MTMR7: variants seen among roughly 807,000 people sequenced by gnomAD.
MTMR7 encodes phosphatidylinositol-3-phosphate phosphatase MTMR7.
Under a neutral mutation model 81.2 loss-of-function variants are expected in MTMR7, and 76 were observed. That is an observed-to-expected ratio of 0.94 (90% CI 0.78 to 1.13). The LOEUF is 1.13. Among genes scored for constraint, MTMR7 ranks in the 50% most tolerant of loss-of-function variants. The pLI, the probability that MTMR7 is intolerant of heterozygous loss-of-function variation, is 0.00. For missense variants in MTMR7, 1,044 were observed against 820.0 expected, an observed-to-expected ratio of 1.27 and a Z score of -3.34; for synonymous variants, 372 against 289.8, an observed-to-expected ratio of 1.28 and a Z score of -2.88.
chr8:17,396,168 G>A (rs1244000533), intron 1 of MTMR7, among the ~76,000 whole-genome samples: 2 of 150,780 alleles, frequency 1.3e-5, no homozygotes, highest in East Asian at 3.9e-4. Flanking sequence ...GATGGAAAGA[G>A]AGATGACCAA....
intron 4 of MTMR7, among the ~76,000 whole-genome samples, chr8:17,352,437 A>T (rs1194959055): frequency 1.3e-5 from 2 of 152,292 alleles, no homozygotes; most frequent in South Asian, 2.1e-4. Context: ...TGTACTATAT[A>T]AAAAAATTAA....
intron 1 of MTMR7, among the ~76,000 whole-genome samples, chr8:17,398,649 A>C (rs78891267): frequency 0.019 from 2,904 of 152,246 alleles, 100 homozygotes; most frequent in African/African-American, 0.066. Context: ...CAAAGCGATA[A>C]CCACAAAGAA....
At chr8:17,353,939 G>A (rs1436785293) in intron 4 of MTMR7, among the ~76,000 whole-genome samples, 1 of 152,186 alleles carries the variant, frequency 6.6e-6, no homozygotes, top group African/African-American at 2.4e-5. Context: ...AGCTGCAAGA[G>A]CAGAAATGAG....
intron 12 of MTMR7, chr8:17,302,491 GAA>G: frequency 2.1e-6 from 1 of 483,912 alleles, no homozygotes; most frequent in Non-Finnish European, 3.6e-6. Flanking sequence ...ATAAGTTTAT[GAA>G]AAGTCTGCCT....
At chr8:17,332,204 A>G (rs714346) in intron 6 of MTMR7, among the ~76,000 whole-genome samples, 88,675 of 151,912 alleles carry the variant, frequency 0.58, 26,711 homozygotes, top group East Asian at 0.79. Context: ...GAGAACCTAC[A>G]CTGAGAACTC....
chr8:17,369,706 C>T (rs1320160109), intron 3 of MTMR7, among the ~76,000 whole-genome samples: 3 of 135,240 alleles, frequency 2.2e-5, no homozygotes, highest in African/African-American at 8.2e-5. Context: ...AGTGCAGTGG[C>T]AAGATCTCAG....
At chr8:17,329,913 G>A (rs1423220083) in intron 7 of MTMR7, among the ~76,000 whole-genome samples, 1 of 152,186 alleles carries the variant, frequency 6.6e-6, no homozygotes, top group Non-Finnish European at 1.5e-5. Context: ...ACAGAAGATG[G>A]AAATGGCTCT....
chr8:17,317,706 T>C (rs1424640259), intron 7 of MTMR7, among the ~76,000 whole-genome samples: 2 of 152,210 alleles, frequency 1.3e-5, no homozygotes, highest in African/African-American at 2.4e-5. Context: ...GTTTCAGAGA[T>C]ACCTGATGGC....
intron 1 of MTMR7, among the ~76,000 whole-genome samples, chr8:17,412,890 G>C (rs961821616): frequency 1.3e-4 from 20 of 152,142 alleles, no homozygotes; most frequent in African/African-American, 4.8e-4. Context: ...TCACCGAAAG[G>C]CTTATTTCCC....
At chr8:17,325,392 C>T (rs954877752) in intron 7 of MTMR7, among the ~76,000 whole-genome samples, 1 of 152,214 alleles carries the variant, frequency 6.6e-6, no homozygotes, top group South Asian at 2.1e-4. Flanking sequence ...AAGAACAGAT[C>T]GGGTATCATC....
intron 1 of MTMR7, among the ~76,000 whole-genome samples, chr8:17,411,376 C>T (rs184202087): frequency 3.2e-4 from 48 of 152,324 alleles, no homozygotes; most frequent in Middle Eastern, 3.4e-3. Context: ...TCTCTACCCA[C>T]TGCACCTTGC....
intron 6 of MTMR7, among the ~76,000 whole-genome samples, chr8:17,336,459 G>A (rs979738627): frequency 6.6e-6 from 1 of 152,064 alleles, no homozygotes; most frequent in Non-Finnish European, 1.5e-5. Context: ...CCACCAGCAA[G>A]TGTGAGACCC....
intron 1 of MTMR7, among the ~76,000 whole-genome samples, chr8:17,404,279 G>A: frequency 6.6e-6 from 1 of 152,200 alleles, no homozygotes; most frequent in East Asian, 1.9e-4. Context: ...GAGGATTGAA[G>A]GATAACTCCA....
chr8:17,399,677 T>G (rs1228892285), intron 1 of MTMR7, among the ~76,000 whole-genome samples: 2 of 152,142 alleles, frequency 1.3e-5, no homozygotes, highest in African/African-American at 2.4e-5. Flanking sequence ...AAATGTATTC[T>G]GTGCAAAAAG....
intron 3 of MTMR7, among the ~76,000 whole-genome samples, chr8:17,366,716 C>G (rs1258688301): frequency 1.3e-5 from 2 of 151,932 alleles, no homozygotes; most frequent in East Asian, 3.9e-4. Flanking sequence ...GAAACCCTGT[C>G]TCTACTAAAA....
At chr8:17,353,292 G>A (rs1006729198) in intron 4 of MTMR7, among the ~76,000 whole-genome samples, 1 of 152,084 alleles carries the variant, frequency 6.6e-6, no homozygotes, top group East Asian at 1.9e-4. Context: ...GTGGTAGGTG[G>A]GAATGGGGAG....
At chr8:17,332,840 G>A (rs947095177) in intron 6 of MTMR7, among the ~76,000 whole-genome samples, 2 of 152,082 alleles carry the variant, frequency 1.3e-5, no homozygotes, top group Admixed American at 1.3e-4. Flanking sequence ...TTAAGTTTTT[G>A]CGTGTTTATC....
chr8:17,368,787 T>C (rs906244148), intron 3 of MTMR7, among the ~76,000 whole-genome samples: 13 of 152,260 alleles, frequency 8.5e-5, no homozygotes, highest in Admixed American at 4.6e-4. Flanking sequence ...TGTTTCAAAA[T>C]GCTGGTGATT....
rs918805475 is a variant in MTMR7 at position 17,370,978 on chromosome 8, T to C, written c.310+59A>G. ...CCTAAGCACCATACAAATTCTTGAA[T>C]CTGATTTGCAAATTTTTAAGAGAGG... On this transcript the variant is annotated intron_variant, in intron 3 of 13. Coordinates refer to ENST00000180173, the MANE Select transcript of MTMR7 (RefSeq NM_004686.5). 5.2e-6 allele frequency: 8 copies of C among 1,552,582 alleles called. No individual in the cohort carries two copies. The African/African-American group carries it at 9.6e-5, about 19-fold the overall frequency.
Sources: gnomAD v4.1 joint callset for allele counts (sites outside exome capture counted in the v4.1 genomes callset) on GRCh38, gnomAD v4.1.1 for gene constraint, MANE v1.5 for transcripts, NCBI Gene and HGNC (gene_info 2026-07-23, HGNC 2026-07-21) for gene names.